The following PDE4D variants were observed in gnomAD, a reference collection of about 807,000 sequenced individuals.
PDE4D encodes phosphodiesterase 4D, also known as 3',5'-cyclic-AMP phosphodiesterase 4D.
PDE4D carries 24 observed loss-of-function variants against 87.4 expected under a neutral mutation model. The observed-to-expected ratio is 0.27, with a 90% CI of 0.20 to 0.39. The LOEUF is 0.39. Ranked by LOEUF, PDE4D falls within the 10% of genes least tolerant of loss-of-function variation. The probability of loss-of-function intolerance (pLI) is 1.00; values close to 1 mark genes in which losing one functional copy is unlikely to be tolerated. For synonymous variants in PDE4D, 384 were observed against 383.2 expected (o/e 1.00, Z -0.02); for missense variants, 714 against 1,041.0 (o/e 0.69, Z 4.32).
chr5:60,461,481 G>A (rs1330922654), intron 1 of PDE4D, among the ~76,000 whole-genome samples: 2 of 152,218 alleles, frequency 1.3e-5, no homozygotes, highest in African/African-American at 4.8e-5. Flanking sequence ...GGGAGTCAAG[G>A]AAAAGAAAGA....
intron 2 of PDE4D, among the ~76,000 whole-genome samples, chr5:60,081,930 A>G (rs1774006326): frequency 1.3e-5 from 2 of 152,164 alleles, no homozygotes; most frequent in South Asian, 2.1e-4. Context: ...AAGTTTGAGT[A>G]AAGTAAATTC....
chr5:59,543,344 C>T (rs143849902), intron 1 of PDE4D, among the ~76,000 whole-genome samples: 2 of 152,176 alleles, frequency 1.3e-5, no homozygotes, highest in African/African-American at 4.8e-5. Flanking sequence ...TCCATTTAGA[C>T]TCAAATACTT....
intron 1 of PDE4D, among the ~76,000 whole-genome samples, chr5:59,229,640 TACA>T (rs1163740442): frequency 6.6e-6 from 1 of 152,190 alleles, no homozygotes; most frequent in Non-Finnish European, 1.5e-5. Context: ...TACCACTTCT[TACA>T]ACTTGAAAGG....
At chr5:59,901,357 T>C (rs1173564460) in intron 3 of PDE4D, among the ~76,000 whole-genome samples, 2 of 152,184 alleles carry the variant, frequency 1.3e-5, no homozygotes, top group Non-Finnish European at 2.9e-5. Context: ...AAACCACCCA[T>C]CCACTGAAAT....
chr5:60,118,492 T>C (rs1182197010), intron 2 of PDE4D, among the ~76,000 whole-genome samples: 1 of 151,878 alleles, frequency 6.6e-6, no homozygotes, highest in African/African-American at 2.4e-5. Context: ...GCACTATATA[T>C]GGCAGATATA....
intron 3 of PDE4D, among the ~76,000 whole-genome samples, chr5:59,949,478 G>A (rs1758072403): frequency 6.6e-6 from 1 of 150,934 alleles, no homozygotes. Flanking sequence ...GGTTTTCCTG[G>A]TTGTATTAGA....
chr5:59,798,886 G>C (rs569738475), intron 1 of PDE4D, among the ~76,000 whole-genome samples: 2 of 152,280 alleles, frequency 1.3e-5, no homozygotes, highest in Non-Finnish European at 2.9e-5. Context: ...GCTACTGTGA[G>C]AGAACTCCTA....
chr5:59,175,616 G>A (rs1783726649), intron 5 of PDE4D, among the ~76,000 whole-genome samples: 1 of 150,926 alleles, frequency 6.6e-6, no homozygotes, highest in Non-Finnish European at 1.5e-5. Context: ...GAGTAGCTGG[G>A]ATTACAGGCA....
At chr5:59,058,618 T>C (rs1029000857) in intron 5 of PDE4D, among the ~76,000 whole-genome samples, 1 of 152,140 alleles carries the variant, frequency 6.6e-6, no homozygotes, top group African/African-American at 2.4e-5. Flanking sequence ...CTGTACATCG[T>C]TTAGTCCCCC....
chr5:60,065,134 G>T (rs1362105578), intron 2 of PDE4D, among the ~76,000 whole-genome samples: 3 of 152,074 alleles, frequency 2.0e-5, no homozygotes, highest in East Asian at 3.9e-4. Context: ...CAGAAAAGCA[G>T]ATTTTGAGTA....
chr5:59,657,328 G>A (rs879887242), intron 1 of PDE4D, among the ~76,000 whole-genome samples: 5 of 152,124 alleles, frequency 3.3e-5, no homozygotes, highest in African/African-American at 7.2e-5. Flanking sequence ...TTGCAACTCT[G>A]CAGAATCATA....
At chr5:60,311,714 C>T (rs992632283) in intron 1 of PDE4D, among the ~76,000 whole-genome samples, 1 of 152,152 alleles carries the variant, frequency 6.6e-6, no homozygotes, top group South Asian at 2.1e-4. Context: ...CCACACATGT[C>T]AATGTTAACC....
chr5:59,039,311 G>A, intron 5 of PDE4D: 1 of 1,045,718 alleles, frequency 9.6e-7, no homozygotes, highest in Non-Finnish European at 1.2e-6. Context: ...CCGAGTCCCA[G>A]TCCAGGAGCC....
intron 2 of PDE4D, among the ~76,000 whole-genome samples, chr5:59,994,005 TA>T (rs1370236833): frequency 9.2e-5 from 14 of 152,052 alleles, no homozygotes; most frequent in African/African-American, 3.4e-4. Flanking sequence ...AGCAATTCCA[TA>T]ATAATTGACA....
At chr5:59,160,424 A>G (rs1386309468) in intron 5 of PDE4D, among the ~76,000 whole-genome samples, 1 of 152,068 alleles carries the variant, frequency 6.6e-6, no homozygotes, top group African/African-American at 2.4e-5. Flanking sequence ...ATGCTTGAAT[A>G]TCGCTGTTGT....
At chr5:60,183,791 C>T (rs1043404122) in intron 2 of PDE4D, among the ~76,000 whole-genome samples, 2 of 152,080 alleles carry the variant, frequency 1.3e-5, no homozygotes, top group East Asian at 1.9e-4. Flanking sequence ...ATGGCAAAAA[C>T]GTAAGCGTTG....
intron 2 of PDE4D, among the ~76,000 whole-genome samples, chr5:60,068,141 A>G (rs1285980929): frequency 6.6e-6 from 1 of 152,150 alleles, no homozygotes; most frequent in Non-Finnish European, 1.5e-5. Flanking sequence ...GAGGAACTTC[A>G]TTTGTTTCCC....
intron 1 of PDE4D, among the ~76,000 whole-genome samples, chr5:59,420,304 G>A (rs2153626843): frequency 6.6e-6 from 1 of 152,286 alleles, no homozygotes; most frequent in South Asian, 2.1e-4. Context: ...GGAGAATCCA[G>A]TGTGGTAAGT....
At chr5:58,993,331 CA>C (rs1197826379) in intron 7 of PDE4D, 40 bp downstream of exon 7, 1 of 1,212,084 alleles carries the variant, frequency 8.3e-7, no homozygotes, top group Non-Finnish European at 1.2e-6. Flanking sequence ...AACAAGCAAA[CA>C]ACTGAAGAAA....
Sources: allele counts gnomAD v4.1 joint callset (sites outside exome capture counted in the v4.1 genomes callset), GRCh38; gene constraint gnomAD v4.1.1; transcripts MANE v1.5; gene names NCBI Gene and HGNC (gene_info 2026-07-23, HGNC 2026-07-21).